ZHX3: variants seen among roughly 807,000 people sequenced by gnomAD.
The protein encoded by ZHX3 is zinc fingers and homeoboxes 3.
ZHX3 carries 20 observed loss-of-function variants against 64.5 expected under a neutral mutation model. That is an observed-to-expected ratio of 0.31 (90% CI 0.22 to 0.45). The LOEUF is 0.45. Ranked by LOEUF, ZHX3 falls within the 20% of genes least tolerant of loss-of-function variation. ZHX3 has a pLI of 1.00. For missense variants in ZHX3, 1,041 were observed against 1,195.8 expected (o/e 0.87, Z 1.91); for synonymous variants, 423 against 461.6 (o/e 0.92, Z 1.07).
At chr20:41,270,441 C>T (rs1037297198) in intron 1 of ZHX3, among the ~76,000 whole-genome samples, 11 of 150,786 alleles carry the variant, frequency 7.3e-5, no homozygotes, top group East Asian at 5.9e-4. Context: ...TTTGGGAGGC[C>T]GAGGTGGGCA....
Position 41,259,343 on chromosome 20 carries a change from C to T in ZHX3, c.-151+9647G>A, listed in dbSNP as rs73907119. On this transcript the variant is annotated intron_variant, in intron 2 of 3. Coordinates refer to ENST00000683867, the MANE Select transcript of ZHX3 (RefSeq NM_001384317.1). ...GGGACTCACAGACTAGGTTAAGAAC[C>T]CCTATTCTATTTATCACCTTTGATC... 7.9e-3 allele frequency among the ~76,000 whole-genome samples: 1,208 copies of T among 152,282 alleles called. 7 individuals carry two copies. The highest frequency in any genetic ancestry group is 0.027 in the African/African-American group (1,142 of 41,540).
intron 1 of ZHX3, among the ~76,000 whole-genome samples, chr20:41,298,377 T>C (rs529597558): frequency 6.6e-6 from 1 of 152,286 alleles, no homozygotes; most frequent in East Asian, 1.9e-4. Flanking sequence ...GTGAGTGACA[T>C]GCTATGAGGG....
chr20:41,194,467 G>A (rs1287850747), intron 3 of ZHX3, among the ~76,000 whole-genome samples: 1 of 152,048 alleles, frequency 6.6e-6, no homozygotes, highest in Non-Finnish European at 1.5e-5. Flanking sequence ...TGCTGAATTT[G>A]GCTTGCTATT....
At chr20:41,220,670 T>G (rs978957815) in intron 2 of ZHX3, among the ~76,000 whole-genome samples, 1 of 151,976 alleles carries the variant, frequency 6.6e-6, no homozygotes, top group African/African-American at 2.4e-5. Flanking sequence ...CAGTTTTTTT[T>G]GGTTTTTTTT....
Position 41,204,224 on chromosome 20 carries a change from G to C in ZHX3, c.693C>G (p.Ser231=), listed in dbSNP as rs766690273. The C allele has an allele frequency of 3.1e-6, 5 of 1,613,324 alleles. No individual in the cohort carries two copies. The highest frequency in any genetic ancestry group is 4.2e-6 in the Non-Finnish European group (5 of 1,179,618). ...TGACTGGAACTGCCCCATTGATGAA[G>C]GAATGGTCCCCCTCTCTCACCTCCA... The part of the protein sequence containing the change: ...GEMEVREGDH[S]FINGAVPVSQ... The change falls in exon 3 of 4, where the codon TCC becomes TCG. Residue 231 remains serine (S), a synonymous_variant. Coordinates refer to ENST00000683867, the MANE Select transcript of ZHX3 (RefSeq NM_001384317.1). This position sits in a 1 kb window ranked among gnomAD's most constrained non-coding sequence, Gnocchi z 6.6.
At chr20:41,288,505 T>C (rs2044050909) in intron 1 of ZHX3, among the ~76,000 whole-genome samples, 1 of 152,236 alleles carries the variant, frequency 6.6e-6, no homozygotes, top group Non-Finnish European at 1.5e-5. Context: ...ATTTAGAAAA[T>C]GAAAAGATCT....
intron 2 of ZHX3, among the ~76,000 whole-genome samples, chr20:41,216,178 T>C (rs2039520420): frequency 6.6e-6 from 1 of 152,244 alleles, no homozygotes; most frequent in Non-Finnish European, 1.5e-5. Context: ...TTACTCGTGA[T>C]GTATAACAGA....
chr20:41,297,082 T>C (rs536475302), intron 1 of ZHX3, among the ~76,000 whole-genome samples: 1 of 152,354 alleles, frequency 6.6e-6, no homozygotes, highest in African/African-American at 2.4e-5. Flanking sequence ...ATGCCAACTT[T>C]TCCTGTTGGG....
intron 3 of ZHX3, among the ~76,000 whole-genome samples, chr20:41,186,946 T>C (rs1600699406): frequency 6.6e-6 from 1 of 152,352 alleles, no homozygotes; most frequent in Middle Eastern, 3.4e-3. Flanking sequence ...ACAGTGTTCT[T>C]TGAAACACAA....
intron 1 of ZHX3, among the ~76,000 whole-genome samples, chr20:41,270,661 G>A (rs533968548): frequency 3.7e-4 from 54 of 144,940 alleles, no homozygotes; most frequent in Non-Finnish European, 7.1e-4. Flanking sequence ...GGTTGACAGA[G>A]TGAGACTCCG....
intron 2 of ZHX3, among the ~76,000 whole-genome samples, chr20:41,245,973 T>C (rs966816517): frequency 5.3e-5 from 8 of 152,158 alleles, no homozygotes; most frequent in African/African-American, 1.9e-4. Flanking sequence ...GAACCTCAAG[T>C]CTCCAATATC....
At chr20:41,255,947 T>C (rs892037940) in intron 2 of ZHX3, among the ~76,000 whole-genome samples, 1 of 152,154 alleles carries the variant, frequency 6.6e-6, no homozygotes, top group Non-Finnish European at 1.5e-5. Flanking sequence ...GTTTTCAACA[T>C]CACAGCCTGA....
At chr20:41,197,292 T>G (rs1484519775) in intron 3 of ZHX3, 2 of 146,026 alleles carry the variant, frequency 1.4e-5, no homozygotes, top group Admixed American at 6.9e-5. Context: ...TACATATATA[T>G]TTTATATATA....
At chr20:41,295,232 A>C (rs1176121498) in intron 1 of ZHX3, among the ~76,000 whole-genome samples, 2 of 152,248 alleles carry the variant, frequency 1.3e-5, no homozygotes, top group African/African-American at 4.8e-5. Context: ...AATATTTATA[A>C]AGAAAAATAA....
chr20:41,250,318 C>T (rs1379159939), intron 2 of ZHX3, among the ~76,000 whole-genome samples: 1 of 152,160 alleles, frequency 6.6e-6, no homozygotes, highest in Non-Finnish European at 1.5e-5. Context: ...ACTGTGACCG[C>T]CTGCTAAAAT....
At chr20:41,303,087 A>G (rs2044872568) in intron 1 of ZHX3, among the ~76,000 whole-genome samples, 1 of 152,266 alleles carries the variant, frequency 6.6e-6, no homozygotes, top group African/African-American at 2.4e-5. Context: ...CATCAATACT[A>G]TTGTTATTAA....
rs186049094 is a variant in ZHX3 at position 41,192,964 on chromosome 20, C to T, written c.2861-7763G>A. 3.6e-4 allele frequency among the ~76,000 whole-genome samples: 55 copies of T among 152,342 alleles called. 1 individual carries two copies. The East Asian group carries it at 4.8e-3, about 13-fold the overall frequency. ...GTCTCTCACTTACCTTTTCCCCATG[C>T]TGGGGGGTCTCTCTCAGTTCCCAGC... On this transcript the variant is annotated intron_variant, in intron 3 of 3. Transcript: ENST00000683867.
Position 41,232,658 on chromosome 20 carries a change from C to T in ZHX3, c.-150-27592G>A, listed in dbSNP as rs1469783241. 1.1e-4 allele frequency among the ~76,000 whole-genome samples: 16 copies of T among 152,092 alleles called. No individual in the cohort carries two copies. The highest frequency in any genetic ancestry group is 1.5e-5 in the Non-Finnish European group (1 of 68,002). On this transcript the variant is annotated intron_variant, in intron 2 of 3. Transcript: ENST00000683867. The surrounding 1 kb of genome is among the most constrained non-coding windows in gnomAD (Gnocchi z 5.0). ...AGGCTGGAGTGCAGTGGCGCAATCT[C>T]GGCTCATTGCAAGCTCCGCCTCCCG...
intron 2 of ZHX3, among the ~76,000 whole-genome samples, chr20:41,227,397 T>C (rs1393806615): frequency 6.6e-6 from 1 of 152,178 alleles, no homozygotes; most frequent in African/African-American, 2.4e-5. Context: ...GTGGCTGTGA[T>C]GGTGCAAAAT....
Sources: allele counts gnomAD v4.1 joint callset (sites outside exome capture counted in the v4.1 genomes callset), GRCh38; gene constraint gnomAD v4.1.1; non-coding constraint Gnocchi (gnomAD v3.1); transcripts MANE v1.5; gene names NCBI Gene and HGNC (gene_info 2026-07-23, HGNC 2026-07-21).